The following SH3RF3 variants were observed in gnomAD, a reference collection of about 807,000 sequenced individuals.
SH3RF3 encodes the protein E3 ubiquitin-protein ligase SH3RF3.
In SH3RF3, 29 loss-of-function variants were observed where a neutral mutation model predicts 66.3. That is an observed-to-expected ratio of 0.44 (90% CI 0.33 to 0.60). SH3RF3 has a LOEUF of 0.60. SH3RF3 is among the 20% of genes least tolerant of loss of function. The pLI is 0.04. For synonymous variants in SH3RF3, 583 were observed against 532.0 expected, an observed-to-expected ratio of 1.10 and a Z score of -1.32; for missense variants, 1,194 against 1,190.9, an observed-to-expected ratio of 1.00 and a Z score of -0.04.
intron 1 of SH3RF3, among the ~76,000 whole-genome samples, chr2:109,202,752 C>G (rs956898279): frequency 4.6e-5 from 7 of 152,160 alleles, no homozygotes; most frequent in Admixed American, 1.3e-4. Context: ...CTGTCGACAG[C>G]CCTTCCCATA....
intron 1 of SH3RF3, among the ~76,000 whole-genome samples, chr2:109,195,746 C>T (rs185676452): frequency 1.3e-4 from 20 of 152,230 alleles, no homozygotes; most frequent in African/African-American, 3.1e-4. Context: ...TCTGATAAGG[C>T]GTTTAAAAAT....
At chr2:109,424,001 G>A (rs1295630645) in intron 5 of SH3RF3, among the ~76,000 whole-genome samples, 4 of 152,228 alleles carry the variant, frequency 2.6e-5, no homozygotes, top group African/African-American at 9.7e-5. Context: ...AGACGTCTGG[G>A]CCGCTGCAGG....
chr2:109,362,899 G>C (rs757689796), intron 2 of SH3RF3, among the ~76,000 whole-genome samples: 2 of 152,108 alleles, frequency 1.3e-5, no homozygotes, highest in Non-Finnish European at 2.9e-5. Context: ...TTTGATTAGT[G>C]TTAGCATGTT....
intron 1 of SH3RF3, among the ~76,000 whole-genome samples, chr2:109,293,758 A>C (rs1365829375): frequency 6.6e-6 from 1 of 152,222 alleles, no homozygotes; most frequent in African/African-American, 2.4e-5. Flanking sequence ...AGCCATGTGA[A>C]CAGGGTGCAC....
chr2:109,200,404 T>C (rs1160216739), intron 1 of SH3RF3, among the ~76,000 whole-genome samples: 1 of 152,186 alleles, frequency 6.6e-6, no homozygotes, highest in Non-Finnish European at 1.5e-5. Flanking sequence ...TCTTTCTCTC[T>C]TTCCCTCCAT....
chr2:109,156,853 G>A (rs946072602), intron 1 of SH3RF3, among the ~76,000 whole-genome samples: 1 of 152,210 alleles, frequency 6.6e-6, no homozygotes, highest in Admixed American at 6.5e-5. Context: ...TCACAGAACT[G>A]AGGAATAGAG....
intron 8 of SH3RF3, among the ~76,000 whole-genome samples, chr2:109,473,846 TCCCTGAACCGCTCTCCTTGTGC>T (rs1024388117): frequency 3.2e-4 from 49 of 152,110 alleles, no homozygotes; most frequent in East Asian, 1.4e-3. Context: ...TTTTGGGGTG[TCCCTGAACCGCTCTCCTTGTGC>T]CCCTGAACCG....
At chr2:109,239,658 T>C (rs1679733929) in intron 1 of SH3RF3, among the ~76,000 whole-genome samples, 2 of 152,224 alleles carry the variant, frequency 1.3e-5, no homozygotes, top group South Asian at 4.1e-4. Context: ...ATGAAGCCAC[T>C]GATTTTTAAG....
chr2:109,166,799 G>T (rs1343465064), intron 1 of SH3RF3, among the ~76,000 whole-genome samples: 1 of 152,194 alleles, frequency 6.6e-6, no homozygotes, highest in African/African-American at 2.4e-5. Context: ...GGTTAAAACT[G>T]TAAGTACAAA....
At chr2:109,331,147 C>T (rs34723506) in intron 1 of SH3RF3, among the ~76,000 whole-genome samples, 1 of 152,196 alleles carries the variant, frequency 6.6e-6, no homozygotes, top group South Asian at 2.1e-4. Flanking sequence ...TTTCATTCTT[C>T]CCCATCCTTT....
At chr2:109,251,768 A>AATAGTC (rs1308003314) in intron 1 of SH3RF3, 1 of 551,584 alleles carries the variant, frequency 1.8e-6, no homozygotes, top group Non-Finnish European at 3.2e-6. Context: ...AAACTTTTGT[A>AATAGTC]ATAGTCAAAA....
intron 3 of SH3RF3, among the ~76,000 whole-genome samples, chr2:109,374,375 G>C (rs1346437987): frequency 6.6e-6 from 1 of 152,242 alleles, no homozygotes. Flanking sequence ...AGACCAGCCT[G>C]AACAGGTGTT....
At chr2:109,273,538 G>A (rs538663674) in intron 1 of SH3RF3, among the ~76,000 whole-genome samples, 9 of 152,350 alleles carry the variant, frequency 5.9e-5, no homozygotes, top group East Asian at 1.9e-4. Context: ...CACTGGGCAC[G>A]TGTTTAGTGA....
intron 1 of SH3RF3, among the ~76,000 whole-genome samples, chr2:109,221,022 A>G (rs75956052): frequency 0.054 from 7,985 of 148,986 alleles, 639 homozygotes; most frequent in African/African-American, 0.18. Context: ...GACAGATGAC[A>G]GGGTAAACAA....
intron 1 of SH3RF3, among the ~76,000 whole-genome samples, chr2:109,267,860 G>T (rs1180026233): frequency 6.6e-6 from 1 of 152,166 alleles, no homozygotes; most frequent in African/African-American, 2.4e-5. Flanking sequence ...CTGGACAGAG[G>T]TTGCTTGGGA....
At chr2:109,409,336 T>C (rs1676529009) in intron 4 of SH3RF3, among the ~76,000 whole-genome samples, 1 of 152,210 alleles carries the variant, frequency 6.6e-6, no homozygotes, top group Non-Finnish European at 1.5e-5. Flanking sequence ...ATCTAGACTT[T>C]GCAGCCAGGT....
intron 1 of SH3RF3, among the ~76,000 whole-genome samples, chr2:109,175,632 G>A (rs1677898790): frequency 6.6e-6 from 1 of 152,132 alleles, no homozygotes; most frequent in Non-Finnish European, 1.5e-5. Flanking sequence ...CAATCTCAGT[G>A]GAAACCTTAT....
At position 109,432,646 on chromosome 2, in the gene SH3RF3, G is replaced by A. The variant is rs762001405; in HGVS notation, c.1549G>A (p.Gly517Arg). The A allele has an allele frequency of 6.2e-7, 1 of 1,612,476 alleles. No individual in the cohort carries two copies. Among genetic ancestry groups the A allele is most frequent in the Non-Finnish European group, 8.5e-7 (1 of 1,179,354 alleles). ...GACCGGGGTCTCTGGGGTGTTCCCC[G>A]GAAACTACGTGACACCCGTTTCCAG... ...LRTGVSGVFP[G>R]NYVTPVSRVP... Residue 517 changes from glycine to arginine, a missense_variant, in exon 6 of 10, where the codon GGA becomes AGA. Physicochemically the swap from Gly to Arg is moderately radical, Grantham distance 125. Transcript: ENST00000309415.
At chr2:109,380,435 T>C (rs1167871346) in intron 3 of SH3RF3, among the ~76,000 whole-genome samples, 1 of 152,134 alleles carries the variant, frequency 6.6e-6, no homozygotes, top group Admixed American at 6.5e-5. Context: ...TGTTATTGGG[T>C]TGTGGTTCAG....
Sources: gnomAD v4.1 joint callset for allele counts (sites outside exome capture counted in the v4.1 genomes callset) on GRCh38, gnomAD v4.1.1 for gene constraint, MANE v1.5 for transcripts, NCBI Gene and HGNC (gene_info 2026-07-23, HGNC 2026-07-21) for gene names.